Variants in GTF2A1L observed in about 807,000 individuals in gnomAD.
GTF2A1L encodes general transcription factor IIA subunit 1 like, also known as TFIIA-alpha and beta-like factor.
In GTF2A1L, 48 loss-of-function variants were observed where a neutral mutation model predicts 49.7. The observed-to-expected ratio is 0.97, with a 90% CI of 0.77 to 1.23. The LOEUF (loss-of-function observed/expected upper bound fraction) is 1.23, where lower values mean the gene tolerates loss of function less well. Among genes scored for constraint, GTF2A1L ranks in the 50% most tolerant of loss-of-function variants. GTF2A1L has a pLI of 0.00. For synonymous variants in GTF2A1L, 246 were observed against 193.5 expected, an observed-to-expected ratio of 1.27 and a Z score of -2.25; for missense variants, 736 against 564.8, an observed-to-expected ratio of 1.30 and a Z score of -3.07.
At chr2:48,643,705 T>TC (rs1313900063) in intron 4 of GTF2A1L, among the ~76,000 whole-genome samples, 1 of 109,684 alleles carries the variant, frequency 9.1e-6, no homozygotes, top group African/African-American at 4.2e-5. Context: ...TTTTTTTTTT[T>TC]TTTTTTTTTT....
chr2:48,657,436 CT>C lies in GTF2A1L; in HGVS notation c.978+10402del, dbSNP rs371799108. Among the ~76,000 whole-genome samples, 1,239 of 152,044 alleles carry C rather than the reference CT, an allele frequency of 8.1e-3. 27 individuals carry two copies. Among genetic ancestry groups the C allele is most frequent in the African/African-American group, 0.026 (1,063 of 41,480 alleles). ...CATGTTGCTGCAAAGAACATGATTT[CT>C]TTTTTTTGGGGCTGCATAGTATTCC... On this transcript the variant is annotated intron_variant, in intron 6 of 8. Transcript: ENST00000403751.
chr2:48,678,021 C>T (rs1393635629), intron 8 of GTF2A1L, among the ~76,000 whole-genome samples: 1 of 149,700 alleles, frequency 6.7e-6, no homozygotes, highest in South Asian at 2.1e-4. Context: ...AATACACAGT[C>T]TTTAATATTT....
chr2:48,651,711 T>G (rs564812109), intron 6 of GTF2A1L, among the ~76,000 whole-genome samples: 145 of 152,314 alleles, frequency 9.5e-4, no homozygotes, highest in African/African-American at 3.4e-3. Context: ...TCCCAAGACA[T>G]TTATCAAAAA....
At chr2:48,666,613 T>TGTTTG (rs1678860107) in intron 6 of GTF2A1L, among the ~76,000 whole-genome samples, 1 of 88,764 alleles carries the variant, frequency 1.1e-5, no homozygotes, top group East Asian at 3.8e-4. Context: ...GTGTGTGTGT[T>TGTTTG]TGTGTGTGTG....
intron 1 of GTF2A1L, among the ~76,000 whole-genome samples, chr2:48,619,768 G>A (rs1409369910): frequency 2.6e-5 from 4 of 152,140 alleles, no homozygotes; most frequent in African/African-American, 9.7e-5. Context: ...GATATGAAGG[G>A]CTGAGTTTTT....
intron 3 of GTF2A1L, among the ~76,000 whole-genome samples, chr2:48,634,195 C>G (rs1676752088): frequency 6.6e-6 from 1 of 152,110 alleles, no homozygotes; most frequent in Non-Finnish European, 1.5e-5. Flanking sequence ...TCACTGTAAC[C>G]TTCGTCTCCG....
intron 4 of GTF2A1L, 77 bp downstream of exon 4, chr2:48,642,534 A>G: frequency 7.3e-7 from 1 of 1,362,400 alleles, no homozygotes; most frequent in Non-Finnish European, 1.0e-6. Context: ...CTGAACATAG[A>G]TGTAATTTCT....
intron 2 of GTF2A1L, 25 bp from the exon 3 acceptor site, chr2:48,621,142 T>A (rs1675974395): frequency 6.3e-7 from 1 of 1,594,070 alleles, no homozygotes; most frequent in Non-Finnish European, 8.5e-7. Flanking sequence ...TTTTTTAAAG[T>A]AAACTTTTTT....
Position 48,626,966 on chromosome 2 carries a change from A to AT in GTF2A1L, c.247+5684dup, listed in dbSNP as rs1333625464. ...TTATTTGTGTACACAAATCCCACTG[A>AT]TTTTTTTTGTTGATTTTGTATCCTG... On this transcript the variant is annotated intron_variant, in intron 3 of 8. Transcript: ENST00000403751. Among the ~76,000 whole-genome samples the AT allele has an allele frequency of 4.2e-5, 6 of 143,424 alleles. 1 individual carries two copies. Among genetic ancestry groups the AT allele is most frequent in the South Asian group, 2.4e-4 (1 of 4,242 alleles). The allele number at this position is 143,424 out of a possible 152,430, so 94.1% of individuals were successfully genotyped here.
intron 6 of GTF2A1L, among the ~76,000 whole-genome samples, chr2:48,656,348 GTTTTTTTT>G (rs367837291): frequency 0.058 from 6,636 of 114,840 alleles, 592 homozygotes; most frequent in African/African-American, 0.22. Flanking sequence ...CTTATTTTCT[GTTTTTTTT>G]TTTTTTTTTT....
Position 48,669,973 on chromosome 2 carries a change from T to G in GTF2A1L, c.1230T>G (p.Ile410Met), listed in dbSNP as rs144732925. Residue 410 changes from isoleucine to methionine, a missense_variant, in exon 7 of 9, where the codon ATT (isoleucine) becomes ATG (methionine). Coordinates refer to ENST00000403751, the MANE Select transcript of GTF2A1L (RefSeq NM_006872.5). ...SSDNEDPQVN[I>M]VEEDPLNSGD... ...ATAATGAAGACCCTCAAGTAAACATTGTAGAAGAGGTGAGGATGACTTTTG... is the reference window on the plus strand; with the variant it reads ...ATAATGAAGACCCTCAAGTAAACATGGTAGAAGAGGTGAGGATGACTTTTG... The G allele has an allele frequency of 4.1e-5, 66 of 1,610,942 alleles. No homozygotes were observed. In the African/African-American group the frequency reaches 7.4e-4, roughly 18 times the overall value.
At chr2:48,623,883 G>A (rs1399127454) in intron 3 of GTF2A1L, among the ~76,000 whole-genome samples, 1 of 152,170 alleles carries the variant, frequency 6.6e-6, no homozygotes, top group Non-Finnish European at 1.5e-5. Flanking sequence ...ACAGAAAGGT[G>A]CGAACACTGG....
At chr2:48,631,246 T>C (rs571639963) in intron 3 of GTF2A1L, among the ~76,000 whole-genome samples, 1 of 152,156 alleles carries the variant, frequency 6.6e-6, no homozygotes, top group Non-Finnish European at 1.5e-5. Flanking sequence ...TGTGAGTCTA[T>C]CTGGTCTGGG....
chr2:48,665,219 G>T (rs918805912), intron 6 of GTF2A1L, among the ~76,000 whole-genome samples: 1 of 151,650 alleles, frequency 6.6e-6, no homozygotes, highest in African/African-American at 2.4e-5. Flanking sequence ...ACCCTGCCTG[G>T]CCAGGTTTTT....
chr2:48,663,493 T>G (rs1361672443), intron 6 of GTF2A1L, among the ~76,000 whole-genome samples: 1 of 152,112 alleles, frequency 6.6e-6, no homozygotes, highest in Non-Finnish European at 1.5e-5. Context: ...TCAAATATGT[T>G]TATTTTACTT....
At chr2:48,670,522 C>A (rs1322408775) in intron 7 of GTF2A1L, among the ~76,000 whole-genome samples, 2 of 152,080 alleles carry the variant, frequency 1.3e-5, no homozygotes, top group Non-Finnish European at 2.9e-5. Context: ...ATGGGAGTGG[C>A]TGTTAAAGAA....
chr2:48,635,140 C>T (rs1215554188), intron 3 of GTF2A1L, among the ~76,000 whole-genome samples: 1 of 152,070 alleles, frequency 6.6e-6, no homozygotes, highest in Non-Finnish European at 1.5e-5. Flanking sequence ...ATCAAGATCT[C>T]TGCATAGGAG....
chr2:48,644,858 G>A (rs1371334331), intron 4 of GTF2A1L, among the ~76,000 whole-genome samples, 175 bp from the exon 5 acceptor site: 1 of 152,100 alleles, frequency 6.6e-6, no homozygotes, highest in Non-Finnish European at 1.5e-5. Context: ...GATCCTTAAT[G>A]GGATGATCGA....
rs535363212 is a variant in GTF2A1L at position 48,641,846 on chromosome 2, T to C, written c.248-556T>C. 6.6e-5 allele frequency among the ~76,000 whole-genome samples: 10 copies of C among 152,316 alleles called. No individual in the cohort carries two copies. In the South Asian group the frequency reaches 1.9e-3, roughly 28 times the overall value. The stretch of plus-strand genomic sequence containing the variant: ...GTTGTCATTCTGGGGATTTGTTTTC[T>C]TACATATTTTTAGCAATTGTACCTG... On this transcript the variant is annotated intron_variant, in intron 3 of 8. Transcript: ENST00000403751.
Sources: gnomAD v4.1 joint callset for allele counts (sites outside exome capture counted in the v4.1 genomes callset) on GRCh38, gnomAD v4.1.1 for gene constraint, MANE v1.5 for transcripts, NCBI Gene and HGNC (gene_info 2026-07-23, HGNC 2026-07-21) for gene names.